The following CLSTN2 variants were observed in gnomAD, a reference collection of about 807,000 sequenced individuals.
The protein encoded by CLSTN2 is calsyntenin-2.
Under a neutral mutation model 101.2 loss-of-function variants are expected in CLSTN2, and 48 were observed. The ratio of observed to expected loss-of-function variants is 0.47; its 90% confidence interval spans 0.38 to 0.60. The LOEUF is 0.60. Ranked by LOEUF, CLSTN2 falls within the 20% of genes least tolerant of loss-of-function variation. The probability of loss-of-function intolerance (pLI) is 0.00; values close to 1 mark genes in which losing one functional copy is unlikely to be tolerated. For missense variants in CLSTN2, 1,160 were observed against 1,238.2 expected, an observed-to-expected ratio of 0.94 and a Z score of 0.95; for synonymous variants, 481 against 463.6, an observed-to-expected ratio of 1.04 and a Z score of -0.48.
At chr3:140,485,573 G>A (rs1478643241) in intron 8 of CLSTN2, among the ~76,000 whole-genome samples, 1 of 152,184 alleles carries the variant, frequency 6.6e-6, no homozygotes, top group Non-Finnish European at 1.5e-5. Context: ...ACAGTGGCAG[G>A]CAGGCCTCCT....
In CLSTN2 at chr3:140,421,243, T is replaced by C. The variant is rs776692555; in HGVS notation, c.756T>C (p.Asp252=). Residue 252 remains aspartate (D), a synonymous_variant, in exon 5 of 17, where the codon GAT becomes GAC. Coordinates refer to ENST00000458420, the MANE Select transcript of CLSTN2 (RefSeq NM_022131.3). ...PAAQDTLVQV[D]VKPVCKPGWQ... is the part of the protein sequence containing the mutation. ...CTCAGGACACCCTGGTGCAGGTGGA[T>C]GTGAAGCCAGTTTGCAAGCCTGGCT... is the stretch of plus-strand genomic sequence containing the variant. 2 of 1,614,152 alleles carry C rather than the reference T, an allele frequency of 1.2e-6. No homozygotes were observed. Among genetic ancestry groups the C allele is most frequent in the South Asian group, 1.1e-5 (1 of 91,078 alleles).
intron 4 of CLSTN2, among the ~76,000 whole-genome samples, chr3:140,418,509 C>CTTT (rs1559863747): frequency 3.2e-5 from 2 of 62,992 alleles, no homozygotes; most frequent in African/African-American, 2.4e-4. Context: ...TTCTTTCTTT[C>CTTT]TTTCTTTCTT....
intron 8 of CLSTN2, among the ~76,000 whole-genome samples, chr3:140,526,761 C>T (rs1487006990): frequency 6.6e-6 from 1 of 151,846 alleles, no homozygotes; most frequent in African/African-American, 2.4e-5. Context: ...GAACAGAATA[C>T]AGAACCCAGA....
chr3:140,572,456 T>C lies in CLSTN2; in HGVS notation c.*6203T>C, dbSNP rs186723080. The C allele has an allele frequency of 1.3e-5, 2 of 152,366 alleles. No homozygotes were observed. Among genetic ancestry groups the C allele is most frequent in the South Asian group, 2.1e-4 (1 of 4,804 alleles). 9.4% of individuals were successfully genotyped at this position (152,366 alleles called of 1,614,324 possible). A position where few individuals can be genotyped will look rare whatever the true frequency, so the allele number is the denominator to read the frequency against. On this transcript the variant is annotated 3_prime_UTR_variant, in exon 17 of 17. Coordinates refer to ENST00000458420, the MANE Select transcript of CLSTN2 (RefSeq NM_022131.3). The stretch of plus-strand genomic sequence containing the variant: ...GGACCTGGAAATTTAGGAAGGGTGA[T>C]GCAGGTAGAGGGGCCAGCAGGAGCC...
At chr3:139,953,894 A>G (rs1211567967) in intron 1 of CLSTN2, among the ~76,000 whole-genome samples, 1 of 150,814 alleles carries the variant, frequency 6.6e-6, no homozygotes, top group Non-Finnish European at 1.5e-5. Context: ...TCAAACTAAG[A>G]GGGAACAAAC....
intron 2 of CLSTN2, among the ~76,000 whole-genome samples, chr3:140,211,224 C>A (rs1362866561): frequency 6.6e-6 from 1 of 151,730 alleles, no homozygotes; most frequent in Non-Finnish European, 1.5e-5. Context: ...GCCTCAGTTT[C>A]CTCCTTATAA....
intron 2 of CLSTN2, among the ~76,000 whole-genome samples, chr3:140,311,479 T>TC (rs1360575076): frequency 2.7e-5 from 4 of 149,854 alleles, no homozygotes; most frequent in African/African-American, 9.9e-5. Context: ...CTAATTTTTT[T>TC]TTTTTTTTTT....
intron 1 of CLSTN2, among the ~76,000 whole-genome samples, chr3:140,023,711 C>T (rs1489047544): frequency 6.6e-6 from 1 of 152,100 alleles, no homozygotes; most frequent in Non-Finnish European, 1.5e-5. Flanking sequence ...GGCTGCAGGC[C>T]CAGGGGAGCT....
chr3:140,068,173 C>T (rs928334649), intron 1 of CLSTN2, among the ~76,000 whole-genome samples: 3 of 152,220 alleles, frequency 2.0e-5, no homozygotes, highest in Non-Finnish European at 4.4e-5. Context: ...GGGCATAGGC[C>T]ACTCTTTCTC....
intron 7 of CLSTN2, among the ~76,000 whole-genome samples, chr3:140,466,355 G>A (rs1232404888): frequency 6.6e-6 from 1 of 152,166 alleles, no homozygotes; most frequent in African/African-American, 2.4e-5. Context: ...GTACAAGTTA[G>A]GTGGGTATTT....
intron 11 of CLSTN2, 124 bp from the exon 12 acceptor site, chr3:140,558,516 A>G: frequency 1.5e-6 from 1 of 674,424 alleles, no homozygotes; most frequent in South Asian, 1.9e-5. Flanking sequence ...TGACATCCTC[A>G]GAGACACTTA....
At chr3:140,084,175 T>C (rs1375657177) in intron 1 of CLSTN2, among the ~76,000 whole-genome samples, 1 of 152,176 alleles carries the variant, frequency 6.6e-6, no homozygotes, top group African/African-American at 2.4e-5. Flanking sequence ...TCAAATGGGA[T>C]GCATGTACAT....
intron 2 of CLSTN2, among the ~76,000 whole-genome samples, chr3:140,266,888 G>A (rs193168477): frequency 6.6e-5 from 10 of 152,314 alleles, no homozygotes; most frequent in Admixed American, 6.5e-4. Context: ...CATTTTATGT[G>A]CCAACTCTGG....
intron 2 of CLSTN2, among the ~76,000 whole-genome samples, chr3:140,343,393 A>C (rs2087510073): frequency 6.6e-6 from 1 of 152,240 alleles, no homozygotes; most frequent in South Asian, 2.1e-4. Context: ...AGCTCATTTC[A>C]AGCCAAACCA....
intron 5 of CLSTN2, among the ~76,000 whole-genome samples, chr3:140,439,637 T>C (rs2088736970): frequency 6.6e-6 from 1 of 152,190 alleles, no homozygotes; most frequent in South Asian, 2.1e-4. Flanking sequence ...TTAAGTGCAG[T>C]TTCAGGATTC....
chr3:140,370,299 A>G (rs963317813), intron 2 of CLSTN2, among the ~76,000 whole-genome samples: 5 of 152,308 alleles, frequency 3.3e-5, no homozygotes, highest in Middle Eastern at 3.4e-3. Flanking sequence ...GGTCCCAAGG[A>G]AGTCAGTCTT....
intron 2 of CLSTN2, among the ~76,000 whole-genome samples, chr3:140,339,890 G>A (rs1045697803): frequency 6.6e-6 from 1 of 152,182 alleles, no homozygotes. Context: ...GCAGGAAAAA[G>A]AGCCCAGGTT....
chr3:140,448,679 T>C lies in CLSTN2; in HGVS notation c.948T>C (p.Ser316=). 1 of 1,612,990 alleles carries C rather than the reference T, an allele frequency of 6.2e-7. No individual in the cohort carries two copies. Among genetic ancestry groups the C allele is most frequent in the South Asian group, 1.1e-5 (1 of 90,938 alleles). Residue 316 remains serine, a synonymous_variant, in exon 6 of 17, where the codon TCT becomes TCC. Transcript: ENST00000458420. ...IGKGCDRETY[S]EKSLQKLCGA... ...AGGGTTGTGACCGGGAGACCTACTCTGAGAAATCCCTTCAAAAGTTATGTG... is the reference window on the plus strand; with the variant it reads ...AGGGTTGTGACCGGGAGACCTACTCCGAGAAATCCCTTCAAAAGTTATGTG...
chr3:140,473,460 T>C (rs1383043152), intron 8 of CLSTN2, among the ~76,000 whole-genome samples: 3 of 152,150 alleles, frequency 2.0e-5, no homozygotes, highest in Non-Finnish European at 4.4e-5. Context: ...GGATTATTCT[T>C]ATGGGCGCAA....
Sources: gnomAD v4.1 joint callset for allele counts (sites outside exome capture counted in the v4.1 genomes callset) on GRCh38, gnomAD v4.1.1 for gene constraint, MANE v1.5 for transcripts, NCBI Gene and HGNC (gene_info 2026-07-23, HGNC 2026-07-21) for gene names.